HPCAL1: variants seen among roughly 807,000 people sequenced by gnomAD.
The protein encoded by HPCAL1 is hippocalcin-like protein 1.
HPCAL1 carries 8 observed loss-of-function variants against 17.1 expected under a neutral mutation model. The ratio of observed to expected loss-of-function variants is 0.47; its 90% confidence interval spans 0.27 to 0.84. The LOEUF (loss-of-function observed/expected upper bound fraction) is 0.84. Ranked by LOEUF, HPCAL1 falls within the 40% of genes least tolerant of loss-of-function variation. The pLI is 0.13. For missense variants in HPCAL1, 165 were observed against 271.1 expected (o/e 0.61, Z 2.75); for synonymous variants, 112 against 111.4 (o/e 1.01, Z -0.03).
chr2:10,383,574 G>A (rs762919161), intron 1 of HPCAL1, among the ~76,000 whole-genome samples: 3 of 151,980 alleles, frequency 2.0e-5, no homozygotes, highest in Non-Finnish European at 4.4e-5. Flanking sequence ...TGTTGGCCAG[G>A]CTGGTCTCAA....
intron 1 of HPCAL1, among the ~76,000 whole-genome samples, chr2:10,311,302 G>A (rs1346464650): frequency 6.6e-6 from 1 of 152,228 alleles, no homozygotes; most frequent in Non-Finnish European, 1.5e-5. Flanking sequence ...AGATGTGGCT[G>A]CCGTGGCTTC....
chr2:10,316,771 A>T (rs577004865), intron 1 of HPCAL1, among the ~76,000 whole-genome samples: 1 of 152,162 alleles, frequency 6.6e-6, no homozygotes, highest in African/African-American at 2.4e-5. Flanking sequence ...TGCCTTTGCT[A>T]CTCACTCAGT....
intron 2 of HPCAL1, among the ~76,000 whole-genome samples, chr2:10,414,334 GT>G (rs1670525239): frequency 6.6e-6 from 1 of 152,226 alleles, no homozygotes; most frequent in Admixed American, 6.5e-5. Context: ...ACAGAACTCT[GT>G]TTTCTCACGG....
At chr2:10,414,450 G>A (rs1354036725) in intron 2 of HPCAL1, among the ~76,000 whole-genome samples, 1 of 152,178 alleles carries the variant, frequency 6.6e-6, no homozygotes, top group Non-Finnish European at 1.5e-5. Flanking sequence ...ATTGCAGATG[G>A]CTGTCATTTT....
Position 10,380,800 on chromosome 2 carries a change from A to G in HPCAL1, c.-110-16035A>G, listed in dbSNP as rs145196267. Among the ~76,000 whole-genome samples the G allele has an allele frequency of 3.8e-3, 584 of 152,288 alleles. 4 individuals carry two copies. The highest frequency in any genetic ancestry group is 0.013 in the African/African-American group (549 of 41,558). On this transcript the variant is annotated intron_variant, in intron 1 of 4. Coordinates refer to ENST00000307845, the MANE Select transcript of HPCAL1 (RefSeq NM_002149.4). Reference sequence around the variant, plus strand: ...CATCCTGCACTCACTCACCTATGGCACATATCATTGGCCGCAAAATCTCCT... The same window carrying G: ...CATCCTGCACTCACTCACCTATGGCGCATATCATTGGCCGCAAAATCTCCT...
intron 1 of HPCAL1, chr2:10,369,052 G>A (rs891800213): frequency 9.9e-5 from 15 of 152,158 alleles, no homozygotes; most frequent in Non-Finnish European, 2.1e-4. Context: ...GGGGAAGCCT[G>A]AGGACTCACG....
At chr2:10,348,456 A>C (rs150245492) in intron 1 of HPCAL1, among the ~76,000 whole-genome samples, 373 of 151,990 alleles carry the variant, frequency 2.5e-3, no homozygotes, top group African/African-American at 8.4e-3. Flanking sequence ...CTCAAAAAAC[A>C]AAAAACAACA....
Position 10,365,279 on chromosome 2 carries a change from A to G in HPCAL1, c.-110-31556A>G, listed in dbSNP as rs1369259096. 6.6e-6 allele frequency among the ~76,000 whole-genome samples: 1 copy of G among 152,218 alleles called. No homozygotes were observed. Among genetic ancestry groups the G allele is most frequent in the Non-Finnish European group, 1.5e-5 (1 of 68,036 alleles). On this transcript the variant is annotated intron_variant, in intron 1 of 4. Coordinates refer to ENST00000307845, the MANE Select transcript of HPCAL1 (RefSeq NM_002149.4). The surrounding 1 kb of genome is among the most constrained non-coding windows in gnomAD (Gnocchi z 4.8). Reference sequence around the variant, plus strand: ...TTCCAGGACAGCTGGGATCTTGATCATCCAGTGGGTGCCCTCACTGTGCAC... The same window carrying G: ...TTCCAGGACAGCTGGGATCTTGATCGTCCAGTGGGTGCCCTCACTGTGCAC...
chr2:10,315,544 C>T (rs987913378), intron 1 of HPCAL1, among the ~76,000 whole-genome samples: 1 of 152,122 alleles, frequency 6.6e-6, no homozygotes, highest in African/African-American at 2.4e-5. Flanking sequence ...CTTTATTTAC[C>T]CTCTTAATTT....
At chr2:10,370,849 G>T (rs1484557919) in intron 1 of HPCAL1, among the ~76,000 whole-genome samples, 2 of 152,200 alleles carry the variant, frequency 1.3e-5, no homozygotes, top group Non-Finnish European at 1.5e-5. Context: ...CCAGGTTTTG[G>T]CTATCCTTCA....
chr2:10,389,580 A>T (rs545381020), intron 1 of HPCAL1, among the ~76,000 whole-genome samples: 1 of 152,238 alleles, frequency 6.6e-6, no homozygotes, highest in Non-Finnish European at 1.5e-5. Flanking sequence ...TGTAAGAGGT[A>T]AATGTTTGTT....
chr2:10,386,024 G>A (rs1668288488), intron 1 of HPCAL1, among the ~76,000 whole-genome samples: 1 of 152,194 alleles, frequency 6.6e-6, no homozygotes, highest in Non-Finnish European at 1.5e-5. Flanking sequence ...GAATATTAAT[G>A]TCGATAACAC....
chr2:10,389,923 C>T (rs747483629), intron 1 of HPCAL1, among the ~76,000 whole-genome samples: 12 of 152,220 alleles, frequency 7.9e-5, no homozygotes, highest in Admixed American at 1.3e-4. Context: ...TGCTGCTTCA[C>T]GGGGCATGTG....
rs77895510 is a variant in HPCAL1, at chr2:10,358,068, T to C, written c.-110-38767T>C. Among the ~76,000 whole-genome samples the C allele has an allele frequency of 3.9e-3, 595 of 152,334 alleles. 7 individuals carry two copies. The highest frequency in any genetic ancestry group is 0.012 in the African/African-American group (483 of 41,564). ...TGTATAGCAGCCCCGGTGGAAAGCCTCTTTCTCCTGTACCTGGAGGAGTTG... is the reference window on the plus strand; with the variant it reads ...TGTATAGCAGCCCCGGTGGAAAGCCCCTTTCTCCTGTACCTGGAGGAGTTG... On this transcript the variant is annotated intron_variant, in intron 1 of 4. Coordinates refer to ENST00000307845, the MANE Select transcript of HPCAL1 (RefSeq NM_002149.4).
intron 2 of HPCAL1, among the ~76,000 whole-genome samples, chr2:10,399,244 CCACCACCACCACCACCAT>C (rs1558517534): frequency 4.8e-5 from 4 of 82,898 alleles, no homozygotes; most frequent in African/African-American, 9.1e-5. Flanking sequence ...ACCACCATCA[CCACCACCACCACCACCAT>C]CACCACCACC....
intron 1 of HPCAL1, among the ~76,000 whole-genome samples, chr2:10,327,239 C>T (rs547454672): frequency 6.6e-6 from 1 of 152,312 alleles, no homozygotes; most frequent in Non-Finnish European, 1.5e-5. Flanking sequence ...GTTTGCATTG[C>T]TCCAGATCGT....
At chr2:10,350,550 G>C (rs1364460153) in intron 1 of HPCAL1, among the ~76,000 whole-genome samples, 2 of 151,984 alleles carry the variant, frequency 1.3e-5, no homozygotes, top group Non-Finnish European at 2.9e-5. Flanking sequence ...GGGCTCAAGC[G>C]ATCCATCTGC....
intron 1 of HPCAL1, among the ~76,000 whole-genome samples, chr2:10,352,273 C>T (rs138553890): frequency 6.6e-6 from 1 of 152,226 alleles, no homozygotes; most frequent in East Asian, 1.9e-4. Context: ...CTTCCCTCTC[C>T]CCATCTCACT....
At chr2:10,378,599 A>G (rs1667739272) in intron 1 of HPCAL1, among the ~76,000 whole-genome samples, 1 of 152,076 alleles carries the variant, frequency 6.6e-6, no homozygotes, top group African/African-American at 2.4e-5. Context: ...CACTAATACC[A>G]TCATGGGGGC....
Sources: gnomAD v4.1 joint callset for allele counts (sites outside exome capture counted in the v4.1 genomes callset) on GRCh38, gnomAD v4.1.1 for gene constraint, Gnocchi (gnomAD v3.1) non-coding constraint, MANE v1.5 for transcripts, NCBI Gene and HGNC (gene_info 2026-07-23, HGNC 2026-07-21) for gene names.